Variants in CSMD1 observed in about 807,000 individuals in gnomAD.
CSMD1 encodes the protein CUB and sushi domain-containing protein 1.
A neutral mutation model predicts 417.5 loss-of-function variants in CSMD1; 213 were observed. The observed-to-expected ratio is 0.51, with a 90% confidence interval of 0.46 to 0.57. The LOEUF (loss-of-function observed/expected upper bound fraction) is 0.57. CSMD1 is among the 20% of genes least tolerant of loss of function. CSMD1 has a pLI of 0.00. For synonymous variants in CSMD1, 2,862 were observed against 1,736.8 expected (o/e 1.65, Z -16.11); for missense variants, 6,923 against 4,529.7 (o/e 1.53, Z -15.17).
At chr8:3,766,972 T>C (rs1410347341) in intron 5 of CSMD1, among the ~76,000 whole-genome samples, 6 of 152,170 alleles carry the variant, frequency 3.9e-5, no homozygotes, top group African/African-American at 1.4e-4. Flanking sequence ...TGCAATCATA[T>C]GGGTCCCCAG....
intron 8 of CSMD1, among the ~76,000 whole-genome samples, chr8:3,611,916 C>G (rs1220787805): frequency 1.3e-5 from 2 of 152,010 alleles, no homozygotes; most frequent in Non-Finnish European, 2.9e-5. Flanking sequence ...AACCCCATAT[C>G]CAAATTGCAT....
chr8:3,083,672 T>A (rs1303783970), intron 49 of CSMD1, among the ~76,000 whole-genome samples: 1 of 99,610 alleles, frequency 1.0e-5, no homozygotes, highest in Non-Finnish European at 2.0e-5. Context: ...TTTTTTTTTT[T>A]TTTTTTTTGG....
chr8:4,172,244 C>A (rs1700124), intron 3 of CSMD1, among the ~76,000 whole-genome samples: 1 of 152,148 alleles, frequency 6.6e-6, no homozygotes, highest in African/African-American at 2.4e-5. Flanking sequence ...CAAGTCTGCA[C>A]TGAACAAATG....
rs547922408 is a variant in CSMD1 at position 2,959,743 on chromosome 8, C to A, written c.9702+1398G>T. On this transcript the variant is annotated intron_variant, in intron 62 of 69. Transcript: ENST00000635120. ...GGCTCACTTTGTGTAAGTAAGGTTT[C>A]AGCATATGGTGCTAAAGAAAACAGA... 1.8e-3 allele frequency among the ~76,000 whole-genome samples: 281 copies of A among 152,218 alleles called. 1 individual carries two copies. Among genetic ancestry groups the A allele is most frequent in the South Asian group, 6.0e-3 (29 of 4,826 alleles).
chr8:3,499,617 G>T (rs1389080639), intron 10 of CSMD1, among the ~76,000 whole-genome samples: 1 of 152,018 alleles, frequency 6.6e-6, no homozygotes, highest in African/African-American at 2.4e-5. Context: ...AGCTCTCAGG[G>T]TCTTGGGAGC....
intron 3 of CSMD1, among the ~76,000 whole-genome samples, chr8:4,382,189 G>C (rs6995913): frequency 0.38 from 57,463 of 151,986 alleles, 13,120 homozygotes; most frequent in African/African-American, 0.65. Context: ...TAATTAGGAA[G>C]AATAAAATAT....
intron 1 of CSMD1, among the ~76,000 whole-genome samples, chr8:4,738,569 C>T (rs1186864631): frequency 6.6e-6 from 1 of 152,058 alleles, no homozygotes; most frequent in Non-Finnish European, 1.5e-5. Flanking sequence ...CTAGATAAGA[C>T]TTGAATGGGG....
intron 1 of CSMD1, among the ~76,000 whole-genome samples, chr8:4,717,000 C>T (rs1356058787): frequency 6.6e-6 from 1 of 151,870 alleles, no homozygotes; most frequent in Non-Finnish European, 1.5e-5. Flanking sequence ...GGTATAGAAG[C>T]CTGGGTTGAT....
intron 3 of CSMD1, among the ~76,000 whole-genome samples, chr8:4,217,799 T>A (rs1208043506): frequency 2.6e-5 from 4 of 152,008 alleles, no homozygotes; most frequent in African/African-American, 9.7e-5. Flanking sequence ...GACCACAGAG[T>A]ATGAGGTCGA....
intron 3 of CSMD1, among the ~76,000 whole-genome samples, chr8:4,269,580 G>C (rs1040337408): frequency 2.0e-5 from 3 of 151,962 alleles, no homozygotes; most frequent in Admixed American, 2.0e-4. Flanking sequence ...CCAATCTTTT[G>C]AAAGCATCCT....
In CSMD1 at chr8:3,108,734, T is replaced by G; in HGVS notation, c.6623A>C (p.Gln2208Pro). The part of the protein sequence containing the change: ...DYIAVWDGPD[Q>P]NSPQLGVFSG... ...GAAAACTCCCAGCTGGGGTGAGTTCTGATCGGGACCGTCCCTAGGAAAGAC... is the reference window on the plus strand; with the variant it reads ...GAAAACTCCCAGCTGGGGTGAGTTCGGATCGGGACCGTCCCTAGGAAAGAC... Residue 2208 changes from glutamine to proline, a missense_variant, in exon 44 of 70, where the codon CAG becomes CCG. By Grantham distance (76) the Gln-to-Pro change is moderately conservative. Coordinates refer to ENST00000635120, the MANE Select transcript of CSMD1 (RefSeq NM_033225.6). 7.4e-6 allele frequency: 12 copies of G among 1,613,212 alleles called. No homozygotes were observed. The highest frequency in any genetic ancestry group is 1.0e-5 in the Non-Finnish European group (12 of 1,179,478).
chr8:3,989,292 G>C (rs1585088632), intron 5 of CSMD1, among the ~76,000 whole-genome samples: 1 of 152,156 alleles, frequency 6.6e-6, no homozygotes, highest in African/African-American at 2.4e-5. Flanking sequence ...ATAAAACCAA[G>C]ACTACAGCCT....
At chr8:3,328,831 T>A (rs1437315314) in intron 23 of CSMD1, among the ~76,000 whole-genome samples, 4 of 152,234 alleles carry the variant, frequency 2.6e-5, no homozygotes, top group African/African-American at 9.6e-5. Context: ...ATATATGATA[T>A]CTTTTAAATA....
chr8:3,814,510 G>C (rs1051618484), intron 5 of CSMD1, among the ~76,000 whole-genome samples: 1 of 152,088 alleles, frequency 6.6e-6, no homozygotes. Flanking sequence ...CCTCCCTTCC[G>C]TGACGCCATT....
At chr8:4,522,197 A>G (rs1252174300) in intron 2 of CSMD1, among the ~76,000 whole-genome samples, 1 of 152,050 alleles carries the variant, frequency 6.6e-6, no homozygotes, top group Non-Finnish European at 1.5e-5. Context: ...AGAGCTGATG[A>G]TTTATAAAAA....
chr8:4,404,124 G>A (rs73177363), intron 3 of CSMD1, among the ~76,000 whole-genome samples: 3,152 of 152,172 alleles, frequency 0.021, 49 homozygotes, highest in Non-Finnish European at 0.027. Context: ...AATTCCACGC[G>A]AGTGTTTATC....
chr8:4,233,980 G>T (rs944058133), intron 3 of CSMD1, among the ~76,000 whole-genome samples: 1 of 151,886 alleles, frequency 6.6e-6, no homozygotes, highest in Non-Finnish European at 1.5e-5. Context: ...GCGGGGGGTG[G>T]GGGAACATGT....
chr8:3,182,857 T>TGG (rs1391352663), intron 36 of CSMD1: 2 of 116,650 alleles, frequency 1.7e-5, no homozygotes, highest in Non-Finnish European at 3.5e-5. Flanking sequence ...TGTGTGTGTG[T>TGG]GTGTGTGTGT....
chr8:3,921,211 T>C (rs1261786688), intron 5 of CSMD1, among the ~76,000 whole-genome samples: 1 of 152,154 alleles, frequency 6.6e-6, no homozygotes, highest in Non-Finnish European at 1.5e-5. Flanking sequence ...ACATTTTGCG[T>C]ATATAATTTT....
Sources: gnomAD v4.1 joint callset for allele counts (sites outside exome capture counted in the v4.1 genomes callset) on GRCh38, gnomAD v4.1.1 for gene constraint, MANE v1.5 for transcripts, NCBI Gene and HGNC (gene_info 2026-07-23, HGNC 2026-07-21) for gene names.